SH3RF3: variants seen among roughly 807,000 people sequenced by gnomAD.
The protein encoded by SH3RF3 is E3 ubiquitin-protein ligase SH3RF3.
In SH3RF3, 29 loss-of-function variants were observed where a neutral mutation model predicts 66.3. That is an observed-to-expected ratio of 0.44 (90% CI 0.33 to 0.60). The LOEUF is 0.60. Ranked by LOEUF, SH3RF3 falls within the 20% of genes least tolerant of loss-of-function variation. The pLI is 0.04. For missense variants in SH3RF3, 1,194 were observed against 1,190.9 expected, an observed-to-expected ratio of 1.00 and a Z score of -0.04; for synonymous variants, 583 against 532.0, an observed-to-expected ratio of 1.10 and a Z score of -1.32.
At chr2:109,155,428 G>A (rs372657943) in intron 1 of SH3RF3, among the ~76,000 whole-genome samples, 3 of 152,012 alleles carry the variant, frequency 2.0e-5, no homozygotes, top group East Asian at 3.9e-4. Flanking sequence ...TCGGCCTCCC[G>A]AGTAGCTGGG....
At chr2:109,430,753 G>C (rs1677185954) in intron 5 of SH3RF3, among the ~76,000 whole-genome samples, 2 of 152,324 alleles carry the variant, frequency 1.3e-5, no homozygotes, top group African/African-American at 2.4e-5. Context: ...CTGTGAACGT[G>C]GTGGGGTGGC....
chr2:109,140,524 GCGCC>G, intron 1 of SH3RF3, among the ~76,000 whole-genome samples: 1 of 152,164 alleles, frequency 6.6e-6, no homozygotes, highest in Middle Eastern at 3.4e-3. Flanking sequence ...GGGACTACAG[GCGCC>G]CACCACCATG....
At chr2:109,374,498 G>T (rs1222320795) in intron 3 of SH3RF3, among the ~76,000 whole-genome samples, 1 of 152,168 alleles carries the variant, frequency 6.6e-6, no homozygotes, top group Non-Finnish European at 1.5e-5. Context: ...CTGGGAGGCC[G>T]CACAGGCATT....
At chr2:109,231,307 A>G (rs1265594803) in intron 1 of SH3RF3, among the ~76,000 whole-genome samples, 1 of 152,226 alleles carries the variant, frequency 6.6e-6, no homozygotes, top group African/African-American at 2.4e-5. Context: ...AGGTGAGCTA[A>G]TGCGATGACA....
At chr2:109,498,046 G>T (rs1375943085) in intron 9 of SH3RF3, among the ~76,000 whole-genome samples, 1 of 152,136 alleles carries the variant, frequency 6.6e-6, no homozygotes, top group South Asian at 2.1e-4. Context: ...TTCACAGACC[G>T]CTGGCTGCAT....
chr2:109,316,392 C>G (rs1216060018), intron 1 of SH3RF3, among the ~76,000 whole-genome samples: 3 of 152,178 alleles, frequency 2.0e-5, no homozygotes, highest in Non-Finnish European at 4.4e-5. Flanking sequence ...TGCCATGTTT[C>G]TCCCTGGCTC....
At chr2:109,302,811 A>G (rs1681502653) in intron 1 of SH3RF3, among the ~76,000 whole-genome samples, 1 of 152,174 alleles carries the variant, frequency 6.6e-6, no homozygotes, top group Admixed American at 6.5e-5. Context: ...TGCTGGAGAA[A>G]AGTGGACATT....
chr2:109,169,729 A>G (rs1277874193), intron 1 of SH3RF3, among the ~76,000 whole-genome samples: 6 of 148,450 alleles, frequency 4.0e-5, no homozygotes. Flanking sequence ...TATATAACCA[A>G]AATACATATG....
intron 2 of SH3RF3, among the ~76,000 whole-genome samples, chr2:109,369,555 G>A (rs1489429800): frequency 6.6e-6 from 1 of 152,136 alleles, no homozygotes; most frequent in Admixed American, 6.5e-5. Flanking sequence ...TTTTTGGTTT[G>A]GGTGTTTTTG....
intron 3 of SH3RF3, among the ~76,000 whole-genome samples, chr2:109,376,884 TCCATGGTGAACAGTGA>T: frequency 6.6e-6 from 1 of 152,260 alleles, no homozygotes; most frequent in Middle Eastern, 3.4e-3. Flanking sequence ...CCCCTAAGTT[TCCATGGTGAACAGTGA>T]CCATCCTGTG....
At chr2:109,256,388 G>T (rs1033524330) in intron 1 of SH3RF3, among the ~76,000 whole-genome samples, 1 of 152,194 alleles carries the variant, frequency 6.6e-6, no homozygotes, top group African/African-American at 2.4e-5. Flanking sequence ...GATATGAGCG[G>T]CAATGCGATG....
At chr2:109,417,298 A>T (rs1418688779) in intron 4 of SH3RF3, among the ~76,000 whole-genome samples, 3 of 152,064 alleles carry the variant, frequency 2.0e-5, no homozygotes, top group African/African-American at 7.2e-5. Context: ...ACCTCCATGG[A>T]TGGTGACTCA....
chr2:109,326,519 CTT>C (rs944794370), intron 1 of SH3RF3, among the ~76,000 whole-genome samples: 1 of 152,152 alleles, frequency 6.6e-6, no homozygotes, highest in Admixed American at 6.5e-5. Context: ...TGTTGCCAGA[CTT>C]TTAAATTTTT....
At chr2:109,291,240 C>T (rs1681170123) in intron 1 of SH3RF3, among the ~76,000 whole-genome samples, 3 of 150,456 alleles carry the variant, frequency 2.0e-5, no homozygotes. Flanking sequence ...CAGAAAGCAA[C>T]AACAGAAGGC....
In SH3RF3 at chr2:109,289,873, C is replaced by A. The variant is rs116290194; in HGVS notation, c.574-57801C>A. 9.2e-3 allele frequency among the ~76,000 whole-genome samples: 1,395 copies of A among 152,236 alleles called. 23 individuals are homozygous for A. The highest frequency in any genetic ancestry group is 0.032 in the African/African-American group (1,325 of 41,538). On this transcript the variant is annotated intron_variant, in intron 1 of 9. Transcript: ENST00000309415. ...TTTCCTCATATTGTGTATCGCATTG[C>A]GGGTTTGAACCAGAGGATTGCTGAG...
intron 3 of SH3RF3, among the ~76,000 whole-genome samples, chr2:109,383,100 C>T (rs369693574): frequency 4.6e-5 from 7 of 152,314 alleles, no homozygotes; most frequent in East Asian, 3.9e-4. Flanking sequence ...GCCCTGGCTC[C>T]GAGGCACTTG....
At chr2:109,492,422 C>T (rs1469917565) in intron 9 of SH3RF3, among the ~76,000 whole-genome samples, 1 of 152,076 alleles carries the variant, frequency 6.6e-6, no homozygotes, top group Non-Finnish European at 1.5e-5. Context: ...GAACGGAAGT[C>T]GCATGTACAC....
chr2:109,169,945 C>T (rs889252448), intron 1 of SH3RF3, among the ~76,000 whole-genome samples: 2 of 152,090 alleles, frequency 1.3e-5, no homozygotes, highest in Non-Finnish European at 2.9e-5. Flanking sequence ...AGTTTTAAAT[C>T]TTTAAGAGAC....
chr2:109,210,164 C>G (rs1678939161), intron 1 of SH3RF3, among the ~76,000 whole-genome samples: 1 of 152,230 alleles, frequency 6.6e-6, no homozygotes. Context: ...GAATAATATT[C>G]CATTGTATGG....
Sources: allele counts gnomAD v4.1 joint callset (sites outside exome capture counted in the v4.1 genomes callset), GRCh38; gene constraint gnomAD v4.1.1; transcripts MANE v1.5; gene names NCBI Gene and HGNC (gene_info 2026-07-23, HGNC 2026-07-21).